SCAPER: variants seen among roughly 807,000 people sequenced by gnomAD.
SCAPER encodes S-phase cyclin A associated protein in the ER, also known as S phase cyclin A-associated protein in the endoplasmic reticulum.
In SCAPER, 98 loss-of-function variants were observed where a neutral mutation model predicts 182.2. The observed-to-expected ratio is 0.54, with a 90% CI of 0.46 to 0.64. The LOEUF is 0.64. Ranked by LOEUF, SCAPER falls within the 30% of genes least tolerant of loss-of-function variation. The pLI is 0.00. For synonymous variants in SCAPER, 605 were observed against 564.6 expected, an observed-to-expected ratio of 1.07 and a Z score of -1.01; for missense variants, 1,432 against 1,690.0, an observed-to-expected ratio of 0.85 and a Z score of 2.68.
intron 23 of SCAPER, among the ~76,000 whole-genome samples, chr15:76,541,810 G>C (rs1255884808): frequency 6.6e-6 from 1 of 152,084 alleles, no homozygotes; most frequent in Non-Finnish European, 1.5e-5. Flanking sequence ...TCCTATTACA[G>C]ACACTTACCT....
chr15:76,486,077 A>G lies in SCAPER; in HGVS notation c.2955-14742T>C, dbSNP rs1013715375. 1.3e-4 allele frequency among the ~76,000 whole-genome samples: 20 copies of G among 152,090 alleles called. No homozygotes were observed. The Middle Eastern group carries it at 0.021, about 156-fold the overall frequency. On this transcript the variant is annotated intron_variant, in intron 24 of 31. Coordinates refer to ENST00000563290, the MANE Select transcript of SCAPER (RefSeq NM_020843.4). Reference sequence around the variant, plus strand: ...AAAAAATTAGCTGGGCATGGTGGTGAGCACCTGTAGTTCCAGCTACTTGTG... The same window carrying G: ...AAAAAATTAGCTGGGCATGGTGGTGGGCACCTGTAGTTCCAGCTACTTGTG...
Position 76,889,495 on chromosome 15 carries a change from GA to G in SCAPER, c.-59-5620del, listed in dbSNP as rs138595250. On this transcript the variant is annotated intron_variant, in intron 1 of 31. Transcript: ENST00000563290. ...GAGGAAGATCTACCAAGCAAATGGA[GA>G]GCAAAAAAAAGCAGGGGTCGCAATT... 3.6e-3 allele frequency among the ~76,000 whole-genome samples: 551 copies of G among 151,858 alleles called. 6 individuals are homozygous for G. The highest frequency in any genetic ancestry group is 0.013 in the African/African-American group (532 of 41,434).
At chr15:76,362,056 T>A (rs761378920) in intron 29 of SCAPER, among the ~76,000 whole-genome samples, 1 of 151,676 alleles carries the variant, frequency 6.6e-6, no homozygotes, top group Non-Finnish European at 1.5e-5. Context: ...CACTGCAACA[T>A]CCACCTCCCG....
chr15:76,759,745 T>C (rs188227701), intron 14 of SCAPER, among the ~76,000 whole-genome samples: 1 of 152,344 alleles, frequency 6.6e-6, no homozygotes, highest in African/African-American at 2.4e-5. Context: ...TCTTTCATTG[T>C]ATTCATGTAG....
At chr15:76,537,322 G>T (rs376481767) in intron 23 of SCAPER, among the ~76,000 whole-genome samples, 18 of 151,950 alleles carry the variant, frequency 1.2e-4, no homozygotes, top group Admixed American at 7.9e-4. Context: ...AAACTATACT[G>T]CAAGGCTACA....
At chr15:76,725,173 T>TAAAAAATATCATAAAATGTGTAC (rs1567933368) in intron 17 of SCAPER, among the ~76,000 whole-genome samples, 1 of 151,814 alleles carries the variant, frequency 6.6e-6, no homozygotes, top group Admixed American at 6.6e-5. Context: ...AAATAGTAAC[T>TAAAAAATATCATAAAATGTGTAC]AAAAAATATC....
chr15:76,465,653 T>C (rs1353899756), intron 25 of SCAPER, among the ~76,000 whole-genome samples: 1 of 152,188 alleles, frequency 6.6e-6, no homozygotes. Context: ...TCAAGATCAA[T>C]GTTATGAAGG....
chr15:76,871,721 G>C (rs971336649), intron 2 of SCAPER, among the ~76,000 whole-genome samples: 6 of 151,680 alleles, frequency 4.0e-5, no homozygotes, highest in African/African-American at 1.5e-4. Context: ...CTCCCAATTA[G>C]CTGGGACTAC....
intron 22 of SCAPER, among the ~76,000 whole-genome samples, chr15:76,608,754 C>G (rs1383170728): frequency 1.3e-5 from 2 of 152,222 alleles, no homozygotes; most frequent in African/African-American, 4.8e-5. Context: ...TCACTGCTGC[C>G]TTGCAGTTTG....
intron 27 of SCAPER, among the ~76,000 whole-genome samples, chr15:76,391,629 C>A (rs1353297320): frequency 6.6e-6 from 1 of 152,128 alleles, no homozygotes; most frequent in African/African-American, 2.4e-5. Flanking sequence ...ATAGAATAGG[C>A]CCAGGAAATG....
chr15:76,351,752 T>C (rs1005556911), intron 30 of SCAPER, among the ~76,000 whole-genome samples: 15 of 152,362 alleles, frequency 9.8e-5, no homozygotes, highest in South Asian at 8.3e-4. Flanking sequence ...TATCATTTTC[T>C]AGTAACTCAG....
chr15:76,694,620 A>G (rs1425422664), intron 20 of SCAPER, among the ~76,000 whole-genome samples: 1 of 152,124 alleles, frequency 6.6e-6, no homozygotes, highest in Non-Finnish European at 1.5e-5. Context: ...AAAAACACAT[A>G]CCAGGAACTT....
chr15:76,430,563 T>A (rs1009929711), intron 26 of SCAPER, among the ~76,000 whole-genome samples: 1 of 152,234 alleles, frequency 6.6e-6, no homozygotes, highest in Admixed American at 6.5e-5. Flanking sequence ...CTGACTGCCC[T>A]GTTGGATTTG....
chr15:76,774,014 G>A (rs2063610024), intron 9 of SCAPER, among the ~76,000 whole-genome samples: 1 of 151,466 alleles, frequency 6.6e-6, no homozygotes, highest in Non-Finnish European at 1.5e-5. Flanking sequence ...ACAAATACTG[G>A]GAATATTAAC....
At chr15:76,818,822 GA>G (rs1003333191) in intron 5 of SCAPER, among the ~76,000 whole-genome samples, 1 of 152,248 alleles carries the variant, frequency 6.6e-6, no homozygotes, top group Non-Finnish European at 1.5e-5. Flanking sequence ...AGGGGTCAGG[GA>G]ATTCCCTTTC....
intron 25 of SCAPER, among the ~76,000 whole-genome samples, 185 bp from the exon 26 acceptor site, chr15:76,434,495 T>C (rs1038439097): frequency 2.6e-5 from 4 of 152,188 alleles, no homozygotes; most frequent in Non-Finnish European, 5.9e-5. Flanking sequence ...TGTCCCTGGA[T>C]AAGGTTACTA....
chr15:76,469,340 A>G (rs1436537026), intron 25 of SCAPER, among the ~76,000 whole-genome samples: 3 of 152,164 alleles, frequency 2.0e-5, no homozygotes, highest in Non-Finnish European at 2.9e-5. Flanking sequence ...AAGTAAACAA[A>G]TATGTTGCAA....
At chr15:76,717,669 C>CA (rs2059962921) in intron 17 of SCAPER, among the ~76,000 whole-genome samples, 2 of 151,664 alleles carry the variant, frequency 1.3e-5, no homozygotes, top group South Asian at 4.2e-4. Context: ...AACCACAAAA[C>CA]AAAAAACTAT....
intron 22 of SCAPER, among the ~76,000 whole-genome samples, chr15:76,607,893 C>T (rs991554755): frequency 1.3e-5 from 2 of 152,142 alleles, no homozygotes; most frequent in African/African-American, 4.8e-5. Context: ...CTTCTCTGCA[C>T]TGGTTATTCT....
Sources: allele counts gnomAD v4.1 joint callset (sites outside exome capture counted in the v4.1 genomes callset), GRCh38; gene constraint gnomAD v4.1.1; transcripts MANE v1.5; gene names NCBI Gene and HGNC (gene_info 2026-07-23, HGNC 2026-07-21).